SLC6A2: variants seen among roughly 807,000 people sequenced by gnomAD.
SLC6A2 encodes the protein sodium-dependent noradrenaline transporter.
SLC6A2 carries 26 observed loss-of-function variants against 71.7 expected under a neutral mutation model. The ratio of observed to expected loss-of-function variants is 0.36; its 90% confidence interval spans 0.27 to 0.50. SLC6A2 has a LOEUF of 0.50. Among genes scored for constraint, SLC6A2 ranks in the 20% least tolerant of loss-of-function variants. The probability of loss-of-function intolerance (pLI) is 0.96; values close to 1 mark genes in which losing one functional copy is unlikely to be tolerated. For synonymous variants in SLC6A2, 363 were observed against 337.9 expected (o/e 1.07, Z -0.82); for missense variants, 581 against 803.9 (o/e 0.72, Z 3.35).
chr16:55,685,391 G>A, intron 5 of SLC6A2, 110 bp downstream of exon 5: 1 of 1,191,072 alleles, frequency 8.4e-7, no homozygotes, highest in Non-Finnish European at 1.2e-6. Flanking sequence ...GGAGCTGGAA[G>A]TGCAAGGCCT....
chr16:55,685,179 T>C lies in SLC6A2; in HGVS notation c.681T>C (p.Ile227=), dbSNP rs1596991261. ...GVLHLHESSG[I]HDIGLPQWQL... ...TGCACCTTCACGAGAGCAGCGGGAT[T>C]CATGACATCGGCCTGCCCCAGTGGC... The change falls in exon 5 of 15, where the codon ATT becomes ATC. Residue 227 remains isoleucine, a synonymous_variant. Coordinates refer to ENST00000568943, the MANE Select transcript of SLC6A2 (RefSeq NM_001172501.3). 1 of 1,614,188 alleles carries C rather than the reference T, an allele frequency of 6.2e-7. No individual in the cohort carries two copies. The highest frequency in any genetic ancestry group is 1.3e-5 in the African/African-American group (1 of 75,054).
At chr16:55,665,479 G>A (rs1964724369) in intron 2 of SLC6A2, among the ~76,000 whole-genome samples, 1 of 152,130 alleles carries the variant, frequency 6.6e-6, no homozygotes, top group Admixed American at 6.5e-5. Context: ...TGTGTATCAA[G>A]GGAACTATTC....
intron 2 of SLC6A2, among the ~76,000 whole-genome samples, chr16:55,666,892 G>A (rs551977929): frequency 3.3e-5 from 5 of 152,298 alleles, no homozygotes; most frequent in African/African-American, 7.2e-5. Flanking sequence ...TCGGAGCAGC[G>A]ACTCCTAGCT....
intron 7 of SLC6A2, 29 bp downstream of exon 7, chr16:55,694,142 C>A: frequency 2.1e-6 from 3 of 1,401,388 alleles, no homozygotes; most frequent in Non-Finnish European, 3.0e-6. Context: ...TTCTGAGAAG[C>A]TCTAAATCCT....
In SLC6A2 at chr16:55,698,025, G is replaced by A. The variant is rs754529765; in HGVS notation, c.1389G>A (p.Lys463=). ...TTCTCGCCCTGTTCTGCATAACCAA[G>A]GTGAGTAGGGGCTGGGCTCTGGGTC... ...TFLLALFCIT[K]GGIYVLTLLD... The change falls in exon 10 of 15, where the codon AAG becomes AAA. Residue 463 remains lysine (K), a splice_region_variant and synonymous_variant. Coordinates refer to ENST00000568943, the MANE Select transcript of SLC6A2 (RefSeq NM_001172501.3). 3.1e-6 allele frequency: 5 copies of A among 1,614,032 alleles called. No homozygotes were observed. In the African/African-American group the frequency reaches 6.7e-5, roughly 22 times the overall value.
At chr16:55,677,858 A>T (rs1466787692) in intron 4 of SLC6A2, among the ~76,000 whole-genome samples, 2 of 151,976 alleles carry the variant, frequency 1.3e-5, no homozygotes, top group African/African-American at 4.8e-5. Flanking sequence ...ATGGGGTTTC[A>T]TCATGTTTCA....
intron 4 of SLC6A2, among the ~76,000 whole-genome samples, chr16:55,676,536 G>A (rs1317699900): frequency 1.3e-5 from 2 of 152,168 alleles, no homozygotes; most frequent in African/African-American, 4.8e-5. Context: ...TTGCACCGTA[G>A]GAGCTTACTT....
rs759975667 is a variant in SLC6A2 at position 55,694,032 on chromosome 16, A to G, written c.941A>G (p.Gln314Arg). Reference protein sequence around the residue: ...EATVWIDAATQIFFSLGAGFG... With the variant: ...EATVWIDAATRIFFSLGAGFG... ...CAGGTATGGATTGATGCCGCAACTC[A>G]GATATTTTTTTCCTTGGGGGCTGGA... is the stretch of plus-strand genomic sequence containing the variant. The change falls in exon 7 of 15, where the codon CAG (glutamine) becomes CGG (arginine). Residue 314 changes from glutamine to arginine, a missense_variant. This residue lies in a region of SLC6A2 where 334 missense variants were observed against 449.0 expected (regional missense o/e 0.74). Transcript: ENST00000568943. 6.2e-7 allele frequency: 1 copy of G among 1,613,532 alleles called. No homozygotes were observed. The highest frequency in any genetic ancestry group is 1.7e-5 in the Admixed American group (1 of 60,022).
chr16:55,695,248 G>T, intron 7 of SLC6A2, 30 bp from the exon 8 acceptor site: 1 of 1,613,558 alleles, frequency 6.2e-7, no homozygotes, highest in Non-Finnish European at 8.5e-7. Flanking sequence ...GGTGTCAAGG[G>T]ACTTGACCTC....
At chr16:55,663,796 T>A (rs1300797746) in intron 2 of SLC6A2, among the ~76,000 whole-genome samples, 1 of 152,168 alleles carries the variant, frequency 6.6e-6, no homozygotes, top group African/African-American at 2.4e-5. Context: ...TCTGCTCCCT[T>A]ATCTCTCCAA....
At chr16:55,696,475 G>A (rs1440976874) in intron 9 of SLC6A2, 138 bp downstream of exon 9, 21 of 687,170 alleles carry the variant, frequency 3.1e-5, no homozygotes, top group Middle Eastern at 4.0e-4. Context: ...CTATTTAAAT[G>A]CAGACAAAAA....
rs1966040393 is a variant in SLC6A2 at position 55,703,698 on chromosome 16, C to A, written c.*1352C>A. Reference sequence around the variant, plus strand: ...CTGTTTATGGTTAGAGTCTCTTACACCCTTGTTGGAGGGATTCTTATTCTG... The same window carrying A: ...CTGTTTATGGTTAGAGTCTCTTACAACCTTGTTGGAGGGATTCTTATTCTG... On this transcript the variant is annotated 3_prime_UTR_variant, in exon 15 of 15. Transcript: ENST00000568943. 1 of 984,940 alleles carries A rather than the reference C, an allele frequency of 1.0e-6. No individual in the cohort carries two copies. Among genetic ancestry groups the A allele is most frequent in the South Asian group, 4.7e-5 (1 of 21,288 alleles). The allele number at this position is 984,940 out of a possible 1,614,324, so 61.0% of individuals were successfully genotyped here. A position where few individuals can be genotyped will look rare whatever the true frequency, so the allele number is the denominator to read the frequency against.
chr16:55,682,187 A>G (rs1039360131), intron 4 of SLC6A2, among the ~76,000 whole-genome samples: 1 of 152,184 alleles, frequency 6.6e-6, no homozygotes. Flanking sequence ...AATTATAGGC[A>G]TGAGCCACCA....
intron 2 of SLC6A2, among the ~76,000 whole-genome samples, chr16:55,667,585 C>A (rs1964789504): frequency 6.6e-6 from 1 of 152,126 alleles, no homozygotes; most frequent in Non-Finnish European, 1.5e-5. Flanking sequence ...AGGTGGCAAA[C>A]CAGCCCTTTC....
intron 2 of SLC6A2, among the ~76,000 whole-genome samples, chr16:55,667,502 A>G (rs1169988118): frequency 6.6e-6 from 1 of 152,236 alleles, no homozygotes; most frequent in Non-Finnish European, 1.5e-5. Flanking sequence ...CAGCAACCCC[A>G]CTGCCTACCT....
At chr16:55,702,086 A>T in intron 14 of SLC6A2, 152 bp downstream of exon 14, 1 of 781,154 alleles carries the variant, frequency 1.3e-6, no homozygotes, top group South Asian at 1.6e-5. Context: ...GGGATGGGGG[A>T]CAGGGAGGCT....
intron 2 of SLC6A2, among the ~76,000 whole-genome samples, chr16:55,669,170 G>T (rs1022379948): frequency 2.6e-5 from 4 of 152,112 alleles, no homozygotes. Context: ...AAGGGTTTGG[G>T]TTAGATTGGC....
At chr16:55,698,598 C>A (rs777400652) in intron 11 of SLC6A2, 30 bp downstream of exon 11, 1 of 1,458,142 alleles carries the variant, frequency 6.9e-7, no homozygotes, top group South Asian at 1.1e-5. Context: ...AGCCTCAGCT[C>A]CCAGTCCTCC....
At chr16:55,668,373 C>A (rs919503233) in intron 2 of SLC6A2, among the ~76,000 whole-genome samples, 1 of 152,154 alleles carries the variant, frequency 6.6e-6, no homozygotes, top group Non-Finnish European at 1.5e-5. Context: ...CAGAAGGGGA[C>A]GAGCAAGTGT....
Sources: allele counts gnomAD v4.1 joint callset (sites outside exome capture counted in the v4.1 genomes callset), GRCh38; gene constraint gnomAD v4.1.1; regional missense constraint gnomAD v4.1.1; transcripts MANE v1.5; gene names NCBI Gene and HGNC (gene_info 2026-07-23, HGNC 2026-07-21).